Variants in BPTF observed in about 807,000 individuals in gnomAD.
The protein encoded by BPTF is nucleosome-remodeling factor subunit BPTF.
A neutral mutation model predicts 292.5 loss-of-function variants in BPTF; 18 were observed. That is an observed-to-expected ratio of 0.06 (90% CI 0.04 to 0.09). The LOEUF is 0.09. BPTF is among the 10% of genes least tolerant of loss of function. The probability of loss-of-function intolerance (pLI) is 1.00; values close to 1 mark genes in which losing one functional copy is unlikely to be tolerated. For missense variants in BPTF, 2,726 were observed against 3,498.7 expected, an observed-to-expected ratio of 0.78 and a Z score of 5.57; for synonymous variants, 1,225 against 1,251.9, an observed-to-expected ratio of 0.98 and a Z score of 0.45.
chr17:67,889,739 C>T (rs554338980), intron 4 of BPTF, among the ~76,000 whole-genome samples: 114 of 152,216 alleles, frequency 7.5e-4, no homozygotes, highest in Admixed American at 1.8e-3. Context: ...ACCCAGGAGG[C>T]AGAGGTTGCA....
intron 24 of BPTF, among the ~76,000 whole-genome samples, chr17:67,960,584 T>A (rs1271949787): frequency 6.6e-6 from 1 of 152,242 alleles, no homozygotes; most frequent in Non-Finnish European, 1.5e-5. Context: ...GTCATTACTA[T>A]CATTTTACAA....
rs1232778034 is a variant in BPTF at position 67,912,136 on chromosome 17, T to A, written c.4252T>A (p.Leu1418Met). Residue 1418 changes from leucine (L) to methionine (M), a missense_variant, in exon 11 of 28, where the codon TTG becomes ATG. By Grantham distance (15) the Leu-to-Met change is conservative. Coordinates refer to ENST00000306378, the MANE Select transcript of BPTF (RefSeq NM_182641.4). ...AAAAGATAATAAACCCAAAATATAT[T>A]TGAAAGGTGAATGCTTGAAAGAAAT... The part of the protein sequence containing the change: ...NGKDNKPKIY[L>M]KGECLKEISE... 6 of 1,611,694 alleles carry A rather than the reference T, an allele frequency of 3.7e-6. No homozygotes were observed. In the Admixed American group the frequency reaches 8.4e-5, roughly 23 times the overall value.
chr17:67,975,899 G>C lies in BPTF; in HGVS notation c.8667G>C (p.Gln2889His). 6.2e-7 allele frequency: 1 copy of C among 1,613,530 alleles called. No homozygotes were observed. The highest frequency in any genetic ancestry group is 8.5e-7 in the Non-Finnish European group (1 of 1,179,896). Residue 2889 changes from glutamine to histidine, a missense_variant, in exon 27 of 28, where the codon CAG becomes CAC. By Grantham distance (24) the Gln-to-His change is conservative (BLOSUM62 0). Coordinates refer to ENST00000306378, the MANE Select transcript of BPTF (RefSeq NM_182641.4). ...YYNPSDSPFYQCAEVLESFFV... is the reference protein window; with the variant it reads ...YYNPSDSPFYHCAEVLESFFV... ...ATCCAAGTGACTCCCCATTTTACCA[G>C]TGTGCAGAAGTTCTCGAATCATTCT...
chr17:67,950,777 T>C (rs2148056205), intron 23 of BPTF: 1 of 150,102 alleles, frequency 6.7e-6, no homozygotes, highest in East Asian at 2.0e-4. Flanking sequence ...GAGCAGAGGT[T>C]GCAATGAACT....
chr17:67,900,050 G>GAAC (rs1310061047), intron 7 of BPTF, among the ~76,000 whole-genome samples: 2 of 152,008 alleles, frequency 1.3e-5, no homozygotes, highest in East Asian at 3.9e-4. Flanking sequence ...AAGATTCCAG[G>GAAC]AACAACAACA....
At chr17:67,875,207 AT>A (rs1220121572) in intron 4 of BPTF, among the ~76,000 whole-genome samples, 187 bp downstream of exon 4, 1 of 152,098 alleles carries the variant, frequency 6.6e-6, no homozygotes, top group African/African-American at 2.4e-5. Context: ...GTATTAGTGA[AT>A]TTGCTATAAT....
chr17:67,845,782 A>G (rs1310457420), intron 1 of BPTF, among the ~76,000 whole-genome samples: 1 of 150,024 alleles, frequency 6.7e-6, no homozygotes, highest in Non-Finnish European at 1.5e-5. Context: ...AAAAATATAT[A>G]TATTTTATTT....
chr17:67,911,407 C>T lies in BPTF; in HGVS notation c.3523C>T (p.Pro1175Ser), dbSNP rs2062644525. The T allele has an allele frequency of 1.2e-6, 2 of 1,613,910 alleles. No individual in the cohort carries two copies. Among genetic ancestry groups the T allele is most frequent in the Non-Finnish European group, 1.7e-6 (2 of 1,179,974 alleles). The change falls in exon 11 of 28, where the codon CCA (proline) becomes TCA (serine). Residue 1175 changes from proline (P) to serine (S), a missense_variant. Around this residue, in one of 22 missense-constraint regions of BPTF, gnomAD observed 713 missense variants for 714.9 expected, o/e 1.00. Coordinates refer to ENST00000306378, the MANE Select transcript of BPTF (RefSeq NM_182641.4). ...RVLDDVSIRS[P>S]ETKCPKQNSI... Reference sequence around the variant, plus strand: ...GTTAGATGATGTCTCCATTCGGAGCCCAGAAACAAAATGTCCGAAACAAAA... The same window carrying T: ...GTTAGATGATGTCTCCATTCGGAGCTCAGAAACAAAATGTCCGAAACAAAA...
At chr17:67,939,207 A>G (rs894415268) in intron 18 of BPTF, among the ~76,000 whole-genome samples, 1 of 152,242 alleles carries the variant, frequency 6.6e-6, no homozygotes, top group Non-Finnish European at 1.5e-5. Flanking sequence ...TTTAACAACA[A>G]CAACAAAAAG....
chr17:67,927,760 A>C (rs966470993), intron 15 of BPTF, among the ~76,000 whole-genome samples: 1 of 152,232 alleles, frequency 6.6e-6, no homozygotes, highest in African/African-American at 2.4e-5. Flanking sequence ...ATTTTCTGCT[A>C]TGAACAGCTT....
chr17:67,879,755 A>G (rs2060276250), intron 4 of BPTF, among the ~76,000 whole-genome samples: 1 of 152,160 alleles, frequency 6.6e-6, no homozygotes, highest in South Asian at 2.1e-4. Context: ...TGAGAGAGCA[A>G]ATAGGGGAGG....
chr17:67,921,209 CAAAAAAAAAA>C (rs60707445), intron 13 of BPTF, among the ~76,000 whole-genome samples: 21 of 49,226 alleles, frequency 4.3e-4, no homozygotes, highest in Admixed American at 2.3e-3. Flanking sequence ...GAATCCGTGT[CAAAAAAAAAA>C]AAAAAAAAAA....
At chr17:67,913,272 G>T (rs766217452) in intron 11 of BPTF, 85 bp downstream of exon 11, 52 of 1,460,428 alleles carry the variant, frequency 3.6e-5, no homozygotes, top group Non-Finnish European at 4.5e-5. Flanking sequence ...TAAAAAATGA[G>T]ATAATAGAGA....
intron 7 of BPTF, among the ~76,000 whole-genome samples, chr17:67,896,136 G>T (rs2061430052): frequency 6.6e-6 from 1 of 152,006 alleles, no homozygotes. Flanking sequence ...CTAATTTTTT[G>T]TATTTTTAGT....
At chr17:67,893,147 C>T in intron 5 of BPTF, 1 of 538,648 alleles carries the variant, frequency 1.9e-6, no homozygotes, top group Non-Finnish European at 3.3e-6. Flanking sequence ...GTAATAGGTA[C>T]TTAATATGTG....
chr17:67,919,762 T>C (rs1488497379), intron 12 of BPTF, among the ~76,000 whole-genome samples: 1 of 152,196 alleles, frequency 6.6e-6, no homozygotes, highest in Non-Finnish European at 1.5e-5. Flanking sequence ...ATTATTTTGA[T>C]TGAGTATTGC....
At chr17:67,883,282 C>T (rs1395347403) in intron 4 of BPTF, among the ~76,000 whole-genome samples, 2 of 152,142 alleles carry the variant, frequency 1.3e-5, no homozygotes, top group Non-Finnish European at 2.9e-5. Context: ...CGCCACTGCA[C>T]TTCAGCCTGG....
intron 15 of BPTF, among the ~76,000 whole-genome samples, chr17:67,926,028 A>G (rs2063854577): frequency 9.1e-6 from 1 of 109,856 alleles, no homozygotes; most frequent in South Asian, 2.8e-4. Flanking sequence ...TTTTTGAGAC[A>G]AGGTCTCACT....
chr17:67,961,240 C>T (rs533338151), intron 24 of BPTF, among the ~76,000 whole-genome samples: 2 of 152,236 alleles, frequency 1.3e-5, no homozygotes, highest in Admixed American at 1.3e-4. Context: ...GATACATGTG[C>T]CCATTCCATC....
Sources: gnomAD v4.1 joint callset for allele counts (sites outside exome capture counted in the v4.1 genomes callset) on GRCh38, gnomAD v4.1.1 for gene constraint, gnomAD v4.1.1 regional missense constraint, MANE v1.5 for transcripts, NCBI Gene and HGNC (gene_info 2026-07-23, HGNC 2026-07-21) for gene names.